ASAP1: variants seen among roughly 807,000 people sequenced by gnomAD.
ASAP1 encodes arf-GAP with SH3 domain, ANK repeat and PH domain-containing protein 1.
A neutral mutation model predicts 145.2 loss-of-function variants in ASAP1; 43 were observed. The observed-to-expected ratio is 0.30, with a 90% CI of 0.23 to 0.38. The LOEUF (loss-of-function observed/expected upper bound fraction) is 0.38. ASAP1 is among the 10% of genes least tolerant of loss of function. The pLI is 1.00. For synonymous variants in ASAP1, 546 were observed against 515.5 expected, an observed-to-expected ratio of 1.06 and a Z score of -0.80; for missense variants, 1,018 against 1,355.3, an observed-to-expected ratio of 0.75 and a Z score of 3.91.
intron 3 of ASAP1, among the ~76,000 whole-genome samples, chr8:130,283,595 A>T (rs1252664867): frequency 1.4e-5 from 1 of 69,648 alleles, no homozygotes; most frequent in Non-Finnish European, 3.5e-5. Context: ...AAGAAAAAAA[A>T]AAAAAAAAAA....
intron 27 of ASAP1, among the ~76,000 whole-genome samples, chr8:130,073,167 A>T (rs1564928792): frequency 6.6e-6 from 1 of 151,348 alleles, no homozygotes; most frequent in Non-Finnish European, 1.5e-5. Flanking sequence ...AGGCGGGGGG[A>T]TCACCTGAGG....
chr8:130,228,129 G>A (rs1475412632), intron 4 of ASAP1, among the ~76,000 whole-genome samples: 1 of 152,080 alleles, frequency 6.6e-6, no homozygotes, highest in African/African-American at 2.4e-5. Context: ...TGTTTCACTG[G>A]TAGAAAAACC....
Position 130,166,097 on chromosome 8 carries a change from C to T in ASAP1, c.909+1439G>A, listed in dbSNP as rs183784726. Among the ~76,000 whole-genome samples, 256 of 152,296 alleles carry T rather than the reference C, an allele frequency of 1.7e-3. 1 individual carries two copies. The highest frequency in any genetic ancestry group is 0.015 in the Admixed American group (229 of 15,296). On this transcript the variant is annotated intron_variant, in intron 11 of 29. Transcript: ENST00000518721. ...AGTACAGTGACACAAATACAGCTTA[C>T]TACAGCCTCCACTTCCTGGGCTCCT...
At chr8:130,177,683 G>C (rs1814059644) in intron 9 of ASAP1, among the ~76,000 whole-genome samples, 2 of 151,762 alleles carry the variant, frequency 1.3e-5, no homozygotes, top group South Asian at 2.1e-4. Context: ...CTTATATAAG[G>C]TACAATTTAC....
intron 9 of ASAP1, among the ~76,000 whole-genome samples, chr8:130,170,689 T>G (rs1374428635): frequency 2.6e-5 from 4 of 152,146 alleles, no homozygotes; most frequent in Non-Finnish European, 5.9e-5. Flanking sequence ...GCCTTTTAGT[T>G]AACCATTTAA....
rs2097400107 is a variant in ASAP1, at chr8:130,054,822, G to C, written c.3316-17C>G. The C allele has an allele frequency of 1.2e-6, 2 of 1,609,978 alleles. No individual in the cohort carries two copies. Among genetic ancestry groups the C allele is most frequent in the Non-Finnish European group, 8.5e-7 (1 of 1,176,488 alleles). On this transcript the variant is annotated splice_polypyrimidine_tract_variant and intron_variant, in intron 29 of 29. Coordinates refer to ENST00000518721, the MANE Select transcript of ASAP1 (RefSeq NM_018482.4). ...GTGGCCAATCTGCAGGGAGAAAAGA[G>C]AGTGGTCAGGATGGAGGCAGCAGGC...
At chr8:130,241,364 T>C (rs979330105) in intron 3 of ASAP1, among the ~76,000 whole-genome samples, 6 of 152,092 alleles carry the variant, frequency 3.9e-5, no homozygotes, top group African/African-American at 1.4e-4. Flanking sequence ...TTTGTTTGCT[T>C]TTACGGTATT....
chr8:130,384,572 C>A (rs149074957), intron 2 of ASAP1, among the ~76,000 whole-genome samples: 2 of 152,126 alleles, frequency 1.3e-5, no homozygotes, highest in Non-Finnish European at 2.9e-5. Context: ...TCCCCCTCGC[C>A]GGTTCAAGTG....
chr8:130,273,701 G>C (rs1300734264), intron 3 of ASAP1, among the ~76,000 whole-genome samples: 1 of 152,188 alleles, frequency 6.6e-6, no homozygotes, highest in Non-Finnish European at 1.5e-5. Flanking sequence ...CAGAGCTGGT[G>C]AGATAGGTCA....
intron 3 of ASAP1, among the ~76,000 whole-genome samples, chr8:130,286,557 C>A (rs912610254): frequency 6.6e-6 from 1 of 152,162 alleles, no homozygotes; most frequent in African/African-American, 2.4e-5. Flanking sequence ...TTACTTAATA[C>A]TTGTATGCTC....
intron 14 of ASAP1, among the ~76,000 whole-genome samples, chr8:130,135,546 A>G (rs912250511): frequency 1.3e-5 from 2 of 152,162 alleles, no homozygotes; most frequent in Non-Finnish European, 2.9e-5. Context: ...AGAACATGCC[A>G]TGGGTGGCAG....
At chr8:130,112,971 G>A (rs1378197447) in intron 23 of ASAP1, among the ~76,000 whole-genome samples, 1 of 152,150 alleles carries the variant, frequency 6.6e-6, no homozygotes, top group Non-Finnish European at 1.5e-5. Flanking sequence ...CATTCCCCTT[G>A]GAAATATCCC....
intron 3 of ASAP1, among the ~76,000 whole-genome samples, chr8:130,342,499 AG>A (rs1825447769): frequency 6.6e-6 from 1 of 152,192 alleles, no homozygotes; most frequent in Non-Finnish European, 1.5e-5. Context: ...AAGATGCTCC[AG>A]ATAGCTGCTA....
At chr8:130,200,110 G>C (rs1250199856) in intron 5 of ASAP1, among the ~76,000 whole-genome samples, 4 of 152,140 alleles carry the variant, frequency 2.6e-5, no homozygotes, top group African/African-American at 9.7e-5. Flanking sequence ...TAAATGACAG[G>C]GAAGGAGGAG....
intron 5 of ASAP1, among the ~76,000 whole-genome samples, chr8:130,209,269 G>C (rs1462540790): frequency 1.3e-5 from 2 of 152,104 alleles, no homozygotes; most frequent in Admixed American, 6.5e-5. Context: ...CTGTAAGTTA[G>C]GCAACATTAA....
At chr8:130,435,942 C>CTGAAGCATAATACTGCTCTG (rs1830296486) in intron 1 of ASAP1, among the ~76,000 whole-genome samples, 1 of 152,168 alleles carries the variant, frequency 6.6e-6, no homozygotes, top group Non-Finnish European at 1.5e-5. Context: ...AGGGCCTTTG[C>CTGAAGCATAATACTGCTCTG]TGAAGCATAA....
intron 8 of ASAP1, 140 bp downstream of exon 8, chr8:130,180,611 T>G: frequency 9.1e-7 from 1 of 1,104,756 alleles, no homozygotes; most frequent in Non-Finnish European, 1.3e-6. Flanking sequence ...TGGAGAAAAA[T>G]GGAGATTAGA....
At chr8:130,149,545 T>C (rs2097641245) in intron 13 of ASAP1, among the ~76,000 whole-genome samples, 1 of 152,118 alleles carries the variant, frequency 6.6e-6, no homozygotes, top group South Asian at 2.1e-4. Flanking sequence ...GCATCATTAA[T>C]CTAAATGCAT....
intron 3 of ASAP1, among the ~76,000 whole-genome samples, chr8:130,269,973 C>T (rs945411534): frequency 6.6e-6 from 1 of 152,112 alleles, no homozygotes; most frequent in African/African-American, 2.4e-5. Flanking sequence ...AGTTCAAGAC[C>T]AGCCTGGCTA....
Sources: gnomAD v4.1 joint callset for allele counts (sites outside exome capture counted in the v4.1 genomes callset) on GRCh38, gnomAD v4.1.1 for gene constraint, MANE v1.5 for transcripts, NCBI Gene and HGNC (gene_info 2026-07-23, HGNC 2026-07-21) for gene names.